SERPINB3: variants seen among roughly 807,000 people sequenced by gnomAD.
The protein encoded by SERPINB3 is serpin B3.
SERPINB3 carries 33 observed loss-of-function variants against 33.0 expected under a neutral mutation model. The ratio of observed to expected loss-of-function variants is 1.00; its 90% CI spans 0.76 to 1.34. The LOEUF is 1.34. SERPINB3 is among the 40% of genes most tolerant of loss of function. SERPINB3 has a pLI of 0.00. For synonymous variants in SERPINB3, 200 were observed against 170.9 expected, an observed-to-expected ratio of 1.17 and a Z score of -1.33; for missense variants, 518 against 461.5, an observed-to-expected ratio of 1.12 and a Z score of -1.12.
At position 63,658,580 on chromosome 18, in the gene SERPINB3, A is replaced by G; in HGVS notation, c.402T>C (p.Val134=). 6.2e-7 allele frequency: 1 copy of G among 1,613,302 alleles called. No individual in the cohort carries two copies. The highest frequency in any genetic ancestry group is 8.5e-7 in the Non-Finnish European group (1 of 1,179,476). ...KKFYQTSVES[V]DFANAPEESR... Reference sequence around the variant, plus strand: ...TTTCTTCTGGAGCATTTGCAAAATCAACAGATTCCACACTGGTCTGGTAAA... The same window carrying G: ...TTTCTTCTGGAGCATTTGCAAAATCGACAGATTCCACACTGGTCTGGTAAA... Residue 134 remains valine, a synonymous_variant, in exon 5 of 8, where the codon GTT becomes GTC. Transcript: ENST00000283752.
At chr18:63,657,803 C>T (rs1913538112) in intron 5 of SERPINB3, among the ~76,000 whole-genome samples, 1 of 150,884 alleles carries the variant, frequency 6.6e-6, no homozygotes, top group South Asian at 2.1e-4. Context: ...TACGGGGTCC[C>T]CATTCAGAGG....
intron 6 of SERPINB3, 103 bp downstream of exon 6, chr18:63,657,167 A>C: frequency 5.6e-6 from 5 of 890,388 alleles, no homozygotes; most frequent in East Asian, 5.5e-5. Context: ...CAACAAAAAA[A>C]CAGACATGAA....
In SERPINB3 at chr18:63,656,837, G is replaced by A; in HGVS notation, c.762C>T (p.Leu254=). 1 of 1,608,800 alleles carries A rather than the reference G, an allele frequency of 6.2e-7. No homozygotes were observed. Among genetic ancestry groups the A allele is most frequent in the Non-Finnish European group, 8.5e-7 (1 of 1,176,782 alleles). The change falls in exon 7 of 8, where the codon CTC becomes CTT. Residue 254 remains leucine (L), a synonymous_variant. Transcript: ENST00000283752. ...TGTAGATGCAAGTTCTTACCTTCTG[G>A]AGACCATCGATTTCATTTGGCAGCA... is the stretch of plus-strand genomic sequence containing the variant. The part of the protein sequence containing the change: ...IVLLPNEIDG[L]QKLEEKLTAE...
Position 63,658,535 on chromosome 18 carries a change from G to T in SERPINB3, c.447C>A (p.Ser149=), listed in dbSNP as rs1913557027. The change falls in exon 5 of 8, where the codon TCC becomes TCA. Residue 149 remains serine, a synonymous_variant. Transcript: ENST00000283752. The stretch of plus-strand genomic sequence containing the variant: ...TACCATTCGTTTGACTTTCCACCCA[G>T]GAGTTAATCTTCTTTCGACTTTCTT... The part of the protein sequence containing the change: ...APEESRKKIN[S]WVESQTNEKI... 6.2e-7 allele frequency: 1 copy of T among 1,612,536 alleles called. No individual in the cohort carries two copies. Among genetic ancestry groups the T allele is most frequent in the African/African-American group, 1.3e-5 (1 of 74,820 alleles).
At position 63,655,635 on chromosome 18, in the gene SERPINB3, T is replaced by A; in HGVS notation, c.*22A>T. 6.4e-7 allele frequency: 1 copy of A among 1,571,150 alleles called. No homozygotes were observed. The highest frequency in any genetic ancestry group is 8.7e-7 in the Non-Finnish European group (1 of 1,154,850). On this transcript the variant is annotated 3_prime_UTR_variant, in exon 8 of 8. Coordinates refer to ENST00000283752, the MANE Select transcript of SERPINB3 (RefSeq NM_006919.3). ...CATCTGCAGGTGAACATTTTCCAAA[T>A]GGAGTGACAGACTAATTGCATCTAC...
At chr18:63,660,664 C>G in intron 3 of SERPINB3, 136 bp downstream of exon 3, 1 of 1,047,992 alleles carries the variant, frequency 9.5e-7, no homozygotes, top group East Asian at 2.6e-5. Context: ...GAAATGCCAA[C>G]CCACTCTGTA....
rs922464684 is a variant in SERPINB3 at position 63,657,770 on chromosome 18, A to G, written c.470-358T>C. ...TCCTTTCTCCCTCCCTCCTCTTCCTACTTTTTTTTTTTTTTTTTTAACTAC... is the reference window on the plus strand; with the variant it reads ...TCCTTTCTCCCTCCCTCCTCTTCCTGCTTTTTTTTTTTTTTTTTTAACTAC... On this transcript the variant is annotated intron_variant, in intron 5 of 7. Coordinates refer to ENST00000283752, the MANE Select transcript of SERPINB3 (RefSeq NM_006919.3). Among the ~76,000 whole-genome samples the G allele has an allele frequency of 2.3e-5, 3 of 132,954 alleles. No homozygotes were observed. In the Admixed American group the frequency reaches 2.3e-4, roughly 10 times the overall value. 87.2% of individuals were successfully genotyped at this position (132,954 alleles called of 152,430 possible).
intron 3 of SERPINB3, among the ~76,000 whole-genome samples, chr18:63,660,594 A>C (rs928755762): frequency 2.6e-5 from 4 of 152,124 alleles, no homozygotes; most frequent in Non-Finnish European, 5.9e-5. Flanking sequence ...CTATGCTCTG[A>C]GGTACAGTGC....
At chr18:63,660,891 A>G (rs781155598) in intron 2 of SERPINB3, 35 bp from the exon 3 acceptor site, 2 of 1,613,052 alleles carry the variant, frequency 1.2e-6, no homozygotes, top group East Asian at 4.5e-5. Context: ...AGAAAACTTT[A>G]CTCAAAAGAT....
intron 3 of SERPINB3, among the ~76,000 whole-genome samples, chr18:63,659,975 A>G (rs541855026): frequency 2.0e-5 from 3 of 152,304 alleles, no homozygotes; most frequent in Non-Finnish European, 1.5e-5. Context: ...ATCTTGTAGG[A>G]CACATTGACT....
Position 63,661,356 on chromosome 18 carries a change from G to A in SERPINB3, c.-26-114C>T, listed in dbSNP as rs1346387425. On this transcript the variant is annotated intron_variant, in intron 1 of 7. Coordinates refer to ENST00000283752, the MANE Select transcript of SERPINB3 (RefSeq NM_006919.3). ...GTGTTGTGAGATTTTGACATTTAAA[G>A]TTTTCCTCATCTTATTTTTAACGTT... is the stretch of plus-strand genomic sequence containing the variant. 3 of 1,161,064 alleles carry A rather than the reference G, an allele frequency of 2.6e-6. No individual in the cohort carries two copies. The African/African-American group carries it at 4.7e-5, about 18-fold the overall frequency. 71.9% of individuals were successfully genotyped at this position (1,161,064 alleles called of 1,614,324 possible).
At chr18:63,659,555 C>A in intron 3 of SERPINB3, 28 bp from the exon 4 acceptor site, 2 of 1,613,168 alleles carry the variant, frequency 1.2e-6, no homozygotes, top group South Asian at 2.2e-5. Flanking sequence ...GGAGATCATT[C>A]AATTGCTGTA....
In SERPINB3 at chr18:63,655,726, A is replaced by T; in HGVS notation, c.1104T>A (p.Pro368=). Residue 368 remains proline (P), a synonymous_variant, in exon 8 of 8, where the codon CCT becomes CCA. Transcript: ENST00000283752. ...TATTTTGCCTTATGAAGAATAGGAAAGGGTGATTACAATGGAACTCTTCAT... is the reference window on the plus strand; with the variant it reads ...TATTTTGCCTTATGAAGAATAGGAATGGGTGATTACAATGGAACTCTTCAT... ...STNEEFHCNH[P]FLFFIRQNKT... 1 of 1,614,000 alleles carries T rather than the reference A, an allele frequency of 6.2e-7. No individual in the cohort carries two copies. The highest frequency in any genetic ancestry group is 1.1e-5 in the South Asian group (1 of 91,064).
intron 3 of SERPINB3, among the ~76,000 whole-genome samples, 157 bp from the exon 4 acceptor site, chr18:63,659,684 T>C (rs1913591851): frequency 1.3e-5 from 2 of 152,184 alleles, no homozygotes; most frequent in Non-Finnish European, 2.9e-5. Flanking sequence ...TCAAATACCC[T>C]TCAAAATCCA....
chr18:63,655,534 G>C lies in SERPINB3; in HGVS notation c.*123C>G, dbSNP rs925. On this transcript the variant is annotated 3_prime_UTR_variant, in exon 8 of 8. Transcript: ENST00000283752. ...TAATCATTAAATTCTTGATGATGAC[G>C]ATCATCATCAAGATGAGAAAGAAAA... is the stretch of plus-strand genomic sequence containing the variant. 2.9e-6 allele frequency: 3 copies of C among 1,025,214 alleles called. No individual in the cohort carries two copies. The highest frequency in any genetic ancestry group is 4.8e-5 in the Admixed American group (2 of 42,098). 63.5% of individuals were successfully genotyped at this position (1,025,214 alleles called of 1,614,324 possible). A position where few individuals can be genotyped will look rare whatever the true frequency, so the allele number is the denominator to read the frequency against.
chr18:63,658,552 G>A lies in SERPINB3; in HGVS notation c.430C>T (p.Arg144Ter), dbSNP rs774375543. Reference sequence around the variant, plus strand: ...TCCACCCAGGAGTTAATCTTCTTTCGACTTTCTTCTGGAGCATTTGCAAAA... The same window carrying A: ...TCCACCCAGGAGTTAATCTTCTTTCAACTTTCTTCTGGAGCATTTGCAAAA... Reference protein sequence around the residue: ...VDFANAPEESRKKINSWVESQ... With the variant: ...VDFANAPEES The change falls in exon 5 of 8, where the codon CGA (arginine) becomes TGA (stop). Residue 144 changes from arginine to a stop codon, truncating the protein, a stop_gained. Coordinates refer to ENST00000283752, the MANE Select transcript of SERPINB3 (RefSeq NM_006919.3). LOFTEE classifies it high-confidence loss of function. The A allele has an allele frequency of 8.1e-6, 13 of 1,612,922 alleles. No individual in the cohort carries two copies. The highest frequency in any genetic ancestry group is 1.3e-5 in the African/African-American group (1 of 74,824).
Position 63,658,554 on chromosome 18 carries a change from C to CT in SERPINB3, c.427dup (p.Ser143LysfsTer6). The CT allele has an allele frequency of 6.2e-7, 1 of 1,613,238 alleles. No individual in the cohort carries two copies. On this transcript the variant is annotated frameshift_variant, in exon 5 of 8. Transcript: ENST00000283752. LOFTEE classifies it high-confidence loss of function. ...CACCCAGGAGTTAATCTTCTTTCGACTTTCTTCTGGAGCATTTGCAAAATC... is the reference window on the plus strand; with the variant it reads ...CACCCAGGAGTTAATCTTCTTTCGACTTTTCTTCTGGAGCATTTGCAAAATC...
Position 63,659,500 on chromosome 18 carries a change from G to A in SERPINB3, c.250C>T (p.Gln84Ter), listed in dbSNP as rs541791751. The A allele has an allele frequency of 1.2e-6, 2 of 1,613,566 alleles. No individual in the cohort carries two copies. Among genetic ancestry groups the A allele is most frequent in the South Asian group, 2.2e-5 (2 of 91,056 alleles). ...AATTCAGTCAGAAGCTTTTGAAACT[G>A]GTGATGAACATTTCCTGACCTATCA... ...HVDRSGNVHH[Q>*]FQKLLTEFNK... Residue 84 changes from glutamine to a stop codon, truncating the protein, a stop_gained, in exon 4 of 8, where the codon CAG becomes TAG. Transcript: ENST00000283752. LOFTEE classifies it high-confidence loss of function.
At chr18:63,661,654 C>T (rs1477093498) in intron 1 of SERPINB3, among the ~76,000 whole-genome samples, 192 bp downstream of exon 1, 2 of 151,518 alleles carry the variant, frequency 1.3e-5, no homozygotes, top group African/African-American at 4.9e-5. Context: ...CTAAAAGTGC[C>T]TTGGTTTACT....
Sources: gnomAD v4.1 joint callset for allele counts (sites outside exome capture counted in the v4.1 genomes callset) on GRCh38, gnomAD v4.1.1 for gene constraint, MANE v1.5 for transcripts, NCBI Gene and HGNC (gene_info 2026-07-23, HGNC 2026-07-21) for gene names.